CTNND2: variants seen among roughly 807,000 people sequenced by gnomAD.
CTNND2 encodes catenin delta 2, also known as catenin delta-2.
CTNND2 carries 22 observed loss-of-function variants against 144.4 expected under a neutral mutation model. The observed-to-expected ratio is 0.15, with a 90% CI of 0.11 to 0.22. The LOEUF (loss-of-function observed/expected upper bound fraction) is 0.22, where lower values mean the gene tolerates loss of function less well. CTNND2 is among the 10% of genes least tolerant of loss of function. The pLI is 1.00. For missense variants in CTNND2, 1,353 were observed against 1,618.8 expected, an observed-to-expected ratio of 0.84 and a Z score of 2.82; for synonymous variants, 751 against 695.6, an observed-to-expected ratio of 1.08 and a Z score of -1.25.
At chr5:11,104,787 G>A (rs1202353653) in intron 14 of CTNND2, among the ~76,000 whole-genome samples, 2 of 152,194 alleles carry the variant, frequency 1.3e-5, no homozygotes, top group Non-Finnish European at 2.9e-5. Context: ...ATGTGGCACT[G>A]CATTGTCTCC....
chr5:11,060,827 A>G (rs1399596374), intron 16 of CTNND2, among the ~76,000 whole-genome samples: 1 of 152,252 alleles, frequency 6.6e-6, no homozygotes, highest in Admixed American at 6.5e-5. Flanking sequence ...ACAATTATGT[A>G]AGAAACCTGT....
chr5:11,748,253 C>T (rs530403897), intron 1 of CTNND2, among the ~76,000 whole-genome samples: 7 of 152,074 alleles, frequency 4.6e-5, no homozygotes, highest in East Asian at 3.9e-4. Flanking sequence ...ATTTTTTACC[C>T]GCATATAACA....
At chr5:11,250,359 C>A in intron 9 of CTNND2, among the ~76,000 whole-genome samples, 1 of 151,328 alleles carries the variant, frequency 6.6e-6, no homozygotes. Flanking sequence ...AAGTCTTAGA[C>A]TAGCCTTTTT....
intron 3 of CTNND2, among the ~76,000 whole-genome samples, chr5:11,417,488 T>C (rs775037433): frequency 2.6e-5 from 4 of 151,688 alleles, no homozygotes; most frequent in Admixed American, 1.3e-4. Flanking sequence ...TAAAATGAAA[T>C]AGAAGAGAGC....
intron 2 of CTNND2, among the ~76,000 whole-genome samples, chr5:11,711,874 T>C (rs554658656): frequency 2.0e-4 from 30 of 152,328 alleles, no homozygotes; most frequent in Admixed American, 1.1e-3. Flanking sequence ...TTGTATATGA[T>C]TCTGGTAGGT....
intron 2 of CTNND2, among the ~76,000 whole-genome samples, chr5:11,644,067 T>C (rs917411523): frequency 1.3e-5 from 2 of 152,220 alleles, no homozygotes; most frequent in Non-Finnish European, 2.9e-5. Context: ...ATTTAGTGCA[T>C]GAAGTACAAT....
chr5:11,447,284 A>G (rs1414178819), intron 3 of CTNND2, among the ~76,000 whole-genome samples: 1 of 151,582 alleles, frequency 6.6e-6, no homozygotes. Context: ...GGAGGTTGCA[A>G]TGAGCTGAGA....
intron 1 of CTNND2, among the ~76,000 whole-genome samples, chr5:11,757,766 T>C (rs957264483): frequency 3.3e-5 from 5 of 152,006 alleles, no homozygotes; most frequent in Non-Finnish European, 7.4e-5. Flanking sequence ...GTCATCTTTC[T>C]ATGACTTGTC....
chr5:11,560,873 C>T (rs2150100730), intron 3 of CTNND2, among the ~76,000 whole-genome samples: 1 of 152,328 alleles, frequency 6.6e-6, no homozygotes, highest in Non-Finnish European at 1.5e-5. Flanking sequence ...AGACATGGTT[C>T]TGGTTTATGT....
At chr5:11,722,012 T>A (rs565994462) in intron 2 of CTNND2, among the ~76,000 whole-genome samples, 26 of 152,302 alleles carry the variant, frequency 1.7e-4, no homozygotes, top group African/African-American at 5.5e-4. Flanking sequence ...TTAGGCTAAG[T>A]TTATTGTCAC....
At chr5:11,142,596 CAAATTT>C (rs1456820510) in intron 12 of CTNND2, among the ~76,000 whole-genome samples, 1 of 148,496 alleles carries the variant, frequency 6.7e-6, no homozygotes, top group African/African-American at 2.5e-5. Context: ...GGTTTGGTGT[CAAATTT>C]AAACTCTTTT....
chr5:11,720,547 C>T (rs1786610818), intron 2 of CTNND2, among the ~76,000 whole-genome samples: 1 of 152,116 alleles, frequency 6.6e-6, no homozygotes, highest in Non-Finnish European at 1.5e-5. Context: ...CCTGTCTCAC[C>T]CGACCACCCA....
intron 3 of CTNND2, among the ~76,000 whole-genome samples, chr5:11,508,729 T>C (rs1371112180): frequency 6.6e-6 from 1 of 152,230 alleles, no homozygotes; most frequent in South Asian, 2.1e-4. Context: ...CTGGCCAACA[T>C]GGTGAAACCC....
At chr5:11,451,092 T>C (rs998236175) in intron 3 of CTNND2, among the ~76,000 whole-genome samples, 34 of 151,900 alleles carry the variant, frequency 2.2e-4, no homozygotes, top group African/African-American at 8.2e-4. Flanking sequence ...ATTTATATTT[T>C]ATATAAAAAT....
At chr5:11,656,557 C>T (rs1380581822) in intron 2 of CTNND2, among the ~76,000 whole-genome samples, 1 of 152,072 alleles carries the variant, frequency 6.6e-6, no homozygotes, top group Non-Finnish European at 1.5e-5. Flanking sequence ...ACACATTGCA[C>T]TGTTACCACC....
At chr5:11,606,998 C>T (rs1780084875) in intron 2 of CTNND2, among the ~76,000 whole-genome samples, 1 of 152,098 alleles carries the variant, frequency 6.6e-6, no homozygotes, top group Non-Finnish European at 1.5e-5. Context: ...CCAATATGAC[C>T]AGCATCCTTG....
intron 1 of CTNND2, among the ~76,000 whole-genome samples, chr5:11,897,628 A>G (rs1243433858): frequency 2.6e-5 from 4 of 152,318 alleles, no homozygotes; most frequent in African/African-American, 9.6e-5. Context: ...ATAGGGGAAG[A>G]ACGCCAAGGG....
chr5:10,998,245 T>C (rs1333323563), intron 18 of CTNND2, among the ~76,000 whole-genome samples: 1 of 151,402 alleles, frequency 6.6e-6, no homozygotes, highest in Non-Finnish European at 1.5e-5. Context: ...GACAGCGGAG[T>C]GTGGTGGGAG....
intron 9 of CTNND2, among the ~76,000 whole-genome samples, chr5:11,309,142 A>C (rs258636): frequency 0.075 from 11,482 of 152,084 alleles, 1,442 homozygotes; most frequent in African/African-American, 0.26. Context: ...TATCATCAGC[A>C]CCCGCACAGA....
Sources: allele counts gnomAD v4.1 joint callset (sites outside exome capture counted in the v4.1 genomes callset), GRCh38; gene constraint gnomAD v4.1.1; transcripts MANE v1.5; gene names NCBI Gene and HGNC (gene_info 2026-07-23, HGNC 2026-07-21).